The following HMX1 variants were observed in gnomAD, a reference collection of about 807,000 sequenced individuals.
The protein encoded by HMX1 is homeobox protein HMX1.
Under a neutral mutation model 8.9 loss-of-function variants are expected in HMX1, and 8 were observed. The observed-to-expected ratio is 0.90, with a 90% CI of 0.53 to 1.63. HMX1 has a LOEUF of 1.63. Ranked by LOEUF, HMX1 falls within the 40% of genes most tolerant of loss-of-function variation. The pLI is 0.00. For synonymous variants in HMX1, 311 were observed against 283.4 expected (o/e 1.10, Z -0.98); for missense variants, 621 against 558.5 (o/e 1.11, Z -1.13).
At position 8,868,880 on chromosome 4, in the gene HMX1, G is replaced by T. The variant is rs968387340; in HGVS notation, c.395-535C>A. Among the ~76,000 whole-genome samples, 1 of 152,120 alleles carries T rather than the reference G, an allele frequency of 6.6e-6. No homozygotes were observed. Among genetic ancestry groups the T allele is most frequent in the African/African-American group, 2.4e-5 (1 of 41,414 alleles). ...AGAAGGAGGAATGAAGAGTTCACAGGCCTCTTCCCGCGCCCTCTGCCCGCT... is the reference window on the plus strand; with the variant it reads ...AGAAGGAGGAATGAAGAGTTCACAGTCCTCTTCCCGCGCCCTCTGCCCGCT... On this transcript the variant is annotated intron_variant, in intron 1 of 1. Coordinates refer to ENST00000400677, the MANE Select transcript of HMX1 (RefSeq NM_018942.3). The surrounding 1 kb of genome is among the most constrained non-coding windows in gnomAD (Gnocchi z 4.6).
Position 8,871,179 on chromosome 4 carries a change from G to A in HMX1, c.394+42C>T. On this transcript the variant is annotated intron_variant, in intron 1 of 1. Coordinates refer to ENST00000400677, the MANE Select transcript of HMX1 (RefSeq NM_018942.3). The surrounding 1 kb of genome is among the most constrained non-coding windows in gnomAD (Gnocchi z 4.8). ...CCAGCAAATGCGCAGGGAGGAAGTCGGGCCCCACCGCCTGACCCACCCTCC... is the reference window on the plus strand; with the variant it reads ...CCAGCAAATGCGCAGGGAGGAAGTCAGGCCCCACCGCCTGACCCACCCTCC... 2 of 1,359,400 alleles carry A rather than the reference G, an allele frequency of 1.5e-6. No individual in the cohort carries two copies. Among genetic ancestry groups the A allele is most frequent in the Admixed American group, 3.4e-5 (1 of 29,532 alleles). 84.2% of individuals were successfully genotyped at this position (1,359,400 alleles called of 1,614,324 possible).
chr4:8,856,331 T>G (rs879885070), intron 1 of HMX1, among the ~76,000 whole-genome samples: 16 of 152,126 alleles, frequency 1.1e-4, no homozygotes, highest in Non-Finnish European at 2.1e-4. Context: ...CAGAAAGAGC[T>G]GGCGGGGTTG....
intron 1 of HMX1, among the ~76,000 whole-genome samples, chr4:8,861,414 C>T (rs547515449): frequency 3.3e-5 from 5 of 152,202 alleles, no homozygotes; most frequent in African/African-American, 4.8e-5. Flanking sequence ...CGCCCTGTCT[C>T]CCCGACCCCG....
At chr4:8,858,993 C>G (rs1362570868) in intron 1 of HMX1, 2 of 152,190 alleles carry the variant, frequency 1.3e-5, no homozygotes, top group African/African-American at 4.8e-5. Context: ...CCTGGCTGGA[C>G]CCACTCCTTG....
intron 1 of HMX1, among the ~76,000 whole-genome samples, chr4:8,854,889 C>G (rs1721561892): frequency 6.6e-6 from 1 of 152,238 alleles, no homozygotes; most frequent in Non-Finnish European, 1.5e-5. Flanking sequence ...TAAAATGAAT[C>G]TGTAAATACA....
Position 8,871,314 on chromosome 4 carries a change from CG to C in HMX1, c.300del (p.Gly101ValfsTer124). ...CCCAGAGCGAAGGGCGGCCCGGGAC[CG>C]GGGGGCGGCCGAGGACCGAGGCCCA... ...GALGLGPRPP[P>X]GPGPPFALGC... On this transcript the variant is annotated frameshift_variant, in exon 1 of 2. Transcript: ENST00000400677. LOFTEE classifies it high-confidence loss of function. This position sits in a 1 kb window ranked among gnomAD's most constrained non-coding sequence, Gnocchi z 4.8. The C allele has an allele frequency of 1.7e-5, 23 of 1,384,682 alleles. No individual in the cohort carries two copies. Among genetic ancestry groups the C allele is most frequent in the Admixed American group, 6.9e-5 (2 of 28,914 alleles). 85.8% of individuals were successfully genotyped at this position (1,384,682 alleles called of 1,614,324 possible).
Position 8,853,925 on chromosome 4 carries a change from A to G in HMX1, c.395-7601T>C, listed in dbSNP as rs1235852453. Among the ~76,000 whole-genome samples, 1 of 152,184 alleles carries G rather than the reference A, an allele frequency of 6.6e-6. No homozygotes were observed. The highest frequency in any genetic ancestry group is 1.9e-4 in the East Asian group (1 of 5,198). ...TGAGATCAGATAAAAATGTATGAGT[A>G]TTTTTAATCTTTTTATAAAGCTTTT... On this transcript the variant is annotated intron_variant, in intron 1 of 1. Coordinates refer to the HMX1 transcript ENST00000506970. This position sits in a 1 kb window ranked among gnomAD's most constrained non-coding sequence, Gnocchi z 4.7.
intron 1 of HMX1, among the ~76,000 whole-genome samples, chr4:8,850,880 C>T (rs978906238): frequency 2.0e-5 from 3 of 152,344 alleles, no homozygotes; most frequent in African/African-American, 7.2e-5. Flanking sequence ...TCCTGGTCTC[C>T]AGGACAGTGC....
chr4:8,868,074 GA>G lies in HMX1; in HGVS notation c.665del (p.Phe222SerfsTer3). On this transcript the variant is annotated frameshift_variant, in exon 2 of 2. Coordinates refer to ENST00000400677, the MANE Select transcript of HMX1 (RefSeq NM_018942.3). LOFTEE classifies it low-confidence loss of function (END_TRUNC). This position sits in a 1 kb window ranked among gnomAD's most constrained non-coding sequence, Gnocchi z 4.6. ...RSQVFQLEST[F>X]DLKRYLSSAE... Reference sequence around the variant, plus strand: ...CGCTGCTCAGGTAGCGCTTCAGGTCGAAGGTGGATTCCAGCTGGAAGACCTG... The same window carrying G: ...CGCTGCTCAGGTAGCGCTTCAGGTCGAGGTGGATTCCAGCTGGAAGACCTG... 1 of 1,536,232 alleles carries G rather than the reference GA, an allele frequency of 6.5e-7. No homozygotes were observed.
At chr4:8,861,488 A>G (rs1721816821) in intron 1 of HMX1, among the ~76,000 whole-genome samples, 1 of 152,032 alleles carries the variant, frequency 6.6e-6, no homozygotes, top group South Asian at 2.1e-4. Context: ...ACGACGGGGG[A>G]GCCTCGGTGA....
At chr4:8,857,643 G>T (rs1193158408) in intron 1 of HMX1, among the ~76,000 whole-genome samples, 1 of 152,242 alleles carries the variant, frequency 6.6e-6, no homozygotes, top group Non-Finnish European at 1.5e-5. Context: ...GCACGCAGGG[G>T]TCTCCCAGCT....
chr4:8,848,939 T>C lies in HMX1; in HGVS notation c.395-2615A>G, dbSNP rs995783605. On this transcript the variant is annotated intron_variant, in intron 1 of 1. Coordinates refer to the HMX1 transcript ENST00000506970. This position sits in a 1 kb window ranked among gnomAD's most constrained non-coding sequence, Gnocchi z 4.1. ...ATGTTCCCTCTGTGAAAAGGTGGGC[T>C]GTATCCAGCAGAGGGTAACCTGTCC... is the stretch of plus-strand genomic sequence containing the variant. 6.6e-6 allele frequency among the ~76,000 whole-genome samples: 1 copy of C among 152,182 alleles called. No homozygotes were observed. Among genetic ancestry groups the C allele is most frequent in the African/African-American group, 2.4e-5 (1 of 41,454 alleles).
At position 8,870,317 on chromosome 4, in the gene HMX1, G is replaced by A. The variant is rs1722169400; in HGVS notation, c.394+904C>T. Among the ~76,000 whole-genome samples the A allele has an allele frequency of 6.6e-6, 1 of 152,014 alleles. No individual in the cohort carries two copies. The highest frequency in any genetic ancestry group is 1.5e-5 in the Non-Finnish European group (1 of 67,990). ...CTTCCTAAAGGGCAGGTACAAAAGG[G>A]AGGCAGCGACCCTGGAACCCTGGGG... On this transcript the variant is annotated intron_variant, in intron 1 of 1. Coordinates refer to ENST00000400677, the MANE Select transcript of HMX1 (RefSeq NM_018942.3). The surrounding 1 kb of genome is among the most constrained non-coding windows in gnomAD (Gnocchi z 4.4).
rs1212635379 is a variant in HMX1 at position 8,848,539 on chromosome 4, G to A, written c.395-2215C>T. Among the ~76,000 whole-genome samples the A allele has an allele frequency of 6.6e-6, 1 of 152,212 alleles. No individual in the cohort carries two copies. Among genetic ancestry groups the A allele is most frequent in the African/African-American group, 2.4e-5 (1 of 41,450 alleles). On this transcript the variant is annotated intron_variant, in intron 1 of 1. Transcript: ENST00000506970. This position sits in a 1 kb window ranked among gnomAD's most constrained non-coding sequence, Gnocchi z 4.1. ...AAATAGGAAACCTGAGGCCAGAGAAGGCAAGTAAGTTGCCTGGGTCACACA... is the reference window on the plus strand; with the variant it reads ...AAATAGGAAACCTGAGGCCAGAGAAAGCAAGTAAGTTGCCTGGGTCACACA...
At position 8,871,420 on chromosome 4, in the gene HMX1, T is replaced by C. The variant is rs1286806581; in HGVS notation, c.195A>G (p.Leu65=). 25 of 1,304,564 alleles carry C rather than the reference T, an allele frequency of 1.9e-5. No homozygotes were observed. Among genetic ancestry groups the C allele is most frequent in the Admixed American group, 7.0e-5 (2 of 28,564 alleles). 80.8% of individuals were successfully genotyped at this position (1,304,564 alleles called of 1,614,324 possible). A position where few individuals can be genotyped will look rare whatever the true frequency, so the allele number is the denominator to read the frequency against. The change falls in exon 1 of 2, where the codon CTA becomes CTG. Residue 65 remains leucine, a synonymous_variant. Transcript: ENST00000400677. This position sits in a 1 kb window ranked among gnomAD's most constrained non-coding sequence, Gnocchi z 4.8. ...CCGCGAGCAACTGTCGCCGCCGCTG[T>C]AGCCGTCGCCGCCGCGCCTGCTCGG... ...EDAEQARRRR[L]QRRRQLLAGT...
chr4:8,855,474 T>G (rs2109457750), intron 1 of HMX1, among the ~76,000 whole-genome samples: 1 of 152,082 alleles, frequency 6.6e-6, no homozygotes, highest in Non-Finnish European at 1.5e-5. Context: ...CTGAGACTGC[T>G]GGGGGCCAGG....
downstream of HMX1, among the ~76,000 whole-genome samples, chr4:8,862,232 GA>G (rs986856312): frequency 6.6e-6 from 1 of 152,236 alleles, no homozygotes. Flanking sequence ...TAGCTAAGTA[GA>G]AAAAAATTTA....
At chr4:8,852,163 A>G (rs1050298697) in intron 1 of HMX1, among the ~76,000 whole-genome samples, 1 of 152,250 alleles carries the variant, frequency 6.6e-6, no homozygotes, top group East Asian at 1.9e-4. Flanking sequence ...GCAATCACTC[A>G]TGTTATTTTG....
In HMX1 at chr4:8,852,987, C is replaced by CAA. The variant is rs879934822; in HGVS notation, c.395-6665_395-6664dup. Reference sequence around the variant, plus strand: ...ATGAAACTTATCCACTAAGGATGGCCAAAAAAAAAAAAGCAAGATAGAAGG... The same window carrying CAA: ...ATGAAACTTATCCACTAAGGATGGCCAAAAAAAAAAAAAAGCAAGATAGAAGG... On this transcript the variant is annotated intron_variant, in intron 1 of 1. Coordinates refer to the HMX1 transcript ENST00000506970. Among the ~76,000 whole-genome samples, 17 of 133,318 alleles carry CAA rather than the reference C, an allele frequency of 1.3e-4. 1 individual carries two copies. The East Asian group carries it at 3.2e-3, about 25-fold the overall frequency. 87.5% of individuals were successfully genotyped at this position (133,318 alleles called of 152,430 possible). A position where few individuals can be genotyped will look rare whatever the true frequency, so the allele number is the denominator to read the frequency against.
Sources: allele counts gnomAD v4.1 joint callset (sites outside exome capture counted in the v4.1 genomes callset), GRCh38; gene constraint gnomAD v4.1.1; non-coding constraint Gnocchi (gnomAD v3.1); transcripts MANE v1.5; gene names NCBI Gene and HGNC (gene_info 2026-07-23, HGNC 2026-07-21).